Variants in NSG1 observed in about 807,000 individuals in gnomAD.
NSG1 encodes neuronal vesicle trafficking associated 1, also known as neuronal vesicle trafficking-associated protein 1.
A neutral mutation model predicts 19.3 loss-of-function variants in NSG1; 9 were observed. The ratio of observed to expected loss-of-function variants is 0.47; its 90% CI spans 0.28 to 0.81. The LOEUF (loss-of-function observed/expected upper bound fraction) is 0.81. Ranked by LOEUF, NSG1 falls within the 40% of genes least tolerant of loss-of-function variation. The pLI, the probability that NSG1 is intolerant of heterozygous loss-of-function variation, is 0.11. For synonymous variants in NSG1, 104 were observed against 107.0 expected (o/e 0.97, Z 0.17); for missense variants, 236 against 242.4 (o/e 0.97, Z 0.18).
chr4:4,392,402 C>CAG (rs1259202579), intron 3 of NSG1, among the ~76,000 whole-genome samples: 2 of 152,202 alleles, frequency 1.3e-5, no homozygotes, highest in Non-Finnish European at 2.9e-5. Context: ...CCAGGCCTTG[C>CAG]AGAGTGGCCC....
At chr4:4,402,536 C>T (rs926989320) in intron 3 of NSG1, among the ~76,000 whole-genome samples, 242 of 151,674 alleles carry the variant, frequency 1.6e-3, no homozygotes, top group African/African-American at 5.5e-3. Flanking sequence ...TACAGGCGTC[C>T]GCCACTACAC....
chr4:4,411,912 A>G (rs1434558020), intron 4 of NSG1, among the ~76,000 whole-genome samples: 1 of 152,212 alleles, frequency 6.6e-6, no homozygotes, highest in Non-Finnish European at 1.5e-5. Flanking sequence ...ATAGTACGGT[A>G]ACATAAACAA....
chr4:4,412,935 A>T (rs912748155), intron 4 of NSG1, among the ~76,000 whole-genome samples: 4 of 152,112 alleles, frequency 2.6e-5, no homozygotes, highest in Non-Finnish European at 5.9e-5. Context: ...TGATATGAGG[A>T]CGCAGAGAGT....
At position 4,409,733 on chromosome 4, in the gene NSG1, G is replaced by T. The variant is rs780362134; in HGVS notation, c.357+50G>T. ...GCCCTGGGACGCCTTTGCACCCCAT[G>T]TTCTCTCCCTTGAACTCAAGGCTGC... is the stretch of plus-strand genomic sequence containing the variant. On this transcript the variant is annotated intron_variant, in intron 4 of 4. Coordinates refer to ENST00000621129, the MANE Select transcript of NSG1 (RefSeq NM_014392.5). 14 of 1,429,338 alleles carry T rather than the reference G, an allele frequency of 9.8e-6. No individual in the cohort carries two copies. In the South Asian group the frequency reaches 1.5e-4, roughly 15 times the overall value. The allele number at this position is 1,429,338 out of a possible 1,614,324, so 88.5% of individuals were successfully genotyped here.
At chr4:4,402,473 C>T (rs1027685920) in intron 3 of NSG1, among the ~76,000 whole-genome samples, 10 of 148,772 alleles carry the variant, frequency 6.7e-5, no homozygotes, top group Admixed American at 4.1e-4. Flanking sequence ...CTGCAAGCTC[C>T]GCCTTCCGGG....
chr4:4,417,182 C>T (rs1724597935), intron 4 of NSG1, 53 bp from the exon 5 acceptor site: 10 of 1,505,518 alleles, frequency 6.6e-6, no homozygotes, highest in Admixed American at 5.0e-5. Context: ...TGGAGACACA[C>T]TGGCACCCCC....
intron 3 of NSG1, among the ~76,000 whole-genome samples, chr4:4,407,899 C>G (rs560659005): frequency 2.1e-4 from 32 of 152,176 alleles, no homozygotes; most frequent in African/African-American, 7.7e-4. Context: ...GGGGCCTGAG[C>G]GGCTTGCAGG....
chr4:4,391,882 T>C (rs1338055445), intron 3 of NSG1, among the ~76,000 whole-genome samples: 2 of 152,126 alleles, frequency 1.3e-5, no homozygotes, highest in Admixed American at 1.3e-4. Flanking sequence ...ATATGAAAAA[T>C]CACTTACCAA....
At chr4:4,406,443 T>C in intron 3 of NSG1, among the ~76,000 whole-genome samples, 1 of 152,168 alleles carries the variant, frequency 6.6e-6, no homozygotes, top group South Asian at 2.1e-4. Context: ...GCCAGTTAAA[T>C]GGAACCAAGT....
At chr4:4,394,792 G>C (rs1723170261) in intron 3 of NSG1, among the ~76,000 whole-genome samples, 1 of 152,238 alleles carries the variant, frequency 6.6e-6, no homozygotes. Flanking sequence ...GGGGTACTTG[G>C]CGAGATTTCC....
At chr4:4,398,118 C>A (rs1363216810) in intron 3 of NSG1, among the ~76,000 whole-genome samples, 1 of 152,076 alleles carries the variant, frequency 6.6e-6, no homozygotes, top group Non-Finnish European at 1.5e-5. Flanking sequence ...CCATGCCCGG[C>A]TAATTTTTGT....
chr4:4,399,045 C>T (rs568704448), intron 3 of NSG1, among the ~76,000 whole-genome samples: 1 of 152,236 alleles, frequency 6.6e-6, no homozygotes, highest in South Asian at 2.1e-4. Flanking sequence ...CTAATGATGT[C>T]CTGCATCTTT....
chr4:4,407,411 ATG>A (rs1723927017), intron 3 of NSG1, among the ~76,000 whole-genome samples: 1 of 151,690 alleles, frequency 6.6e-6, no homozygotes, highest in South Asian at 2.1e-4. Context: ...GGGCGGTGGG[ATG>A]TAGCAGGTAG....
At chr4:4,391,706 C>T (rs751233243) in intron 3 of NSG1, 115 bp downstream of exon 3, 51 of 597,234 alleles carry the variant, frequency 8.5e-5, no homozygotes, top group Non-Finnish European at 1.4e-4. Context: ...CTGGGCTCAT[C>T]CCAGCTGTGC....
chr4:4,402,300 G>T (rs1316224559), intron 3 of NSG1, among the ~76,000 whole-genome samples: 5 of 149,608 alleles, frequency 3.3e-5, no homozygotes, highest in Admixed American at 1.3e-4. Context: ...CTATCTCCCG[G>T]GTTCGAATGA....
At chr4:4,416,517 C>T (rs1465509807) in intron 4 of NSG1, among the ~76,000 whole-genome samples, 2 of 152,172 alleles carry the variant, frequency 1.3e-5, no homozygotes, top group Non-Finnish European at 2.9e-5. Flanking sequence ...GGACAGGCTG[C>T]AGCCACAGCT....
chr4:4,394,898 T>C (rs1235490738), intron 3 of NSG1, among the ~76,000 whole-genome samples: 4 of 152,242 alleles, frequency 2.6e-5, no homozygotes, highest in Non-Finnish European at 5.9e-5. Context: ...CGTAAGCCTC[T>C]AACAGGTGAT....
intron 3 of NSG1, among the ~76,000 whole-genome samples, chr4:4,401,027 G>A (rs1036217741): frequency 2.6e-5 from 4 of 152,154 alleles, no homozygotes; most frequent in Non-Finnish European, 5.9e-5. Context: ...CCCTGCACCC[G>A]CTGCTCCAGT....
At chr4:4,387,286 G>C (rs1006444639) in intron 1 of NSG1, 113 bp downstream of exon 1, 1 of 261,056 alleles carries the variant, frequency 3.8e-6, no homozygotes, top group African/African-American at 2.3e-5. Flanking sequence ...TGTGAACAGC[G>C]GGTCGCCCGG....
Sources: allele counts gnomAD v4.1 joint callset (sites outside exome capture counted in the v4.1 genomes callset), GRCh38; gene constraint gnomAD v4.1.1; transcripts MANE v1.5; gene names NCBI Gene and HGNC (gene_info 2026-07-23, HGNC 2026-07-21).